Variants in KCTD16 observed in about 807,000 individuals in gnomAD.
KCTD16 encodes BTB/POZ domain-containing protein KCTD16.
In KCTD16, 13 loss-of-function variants were observed where a neutral mutation model predicts 33.2. That is an observed-to-expected ratio of 0.39 (90% CI 0.25 to 0.62). The LOEUF is 0.62. KCTD16 is among the 20% of genes least tolerant of loss of function. KCTD16 has a pLI of 0.50. For synonymous variants in KCTD16, 197 were observed against 195.3 expected, an observed-to-expected ratio of 1.01 and a Z score of -0.07; for missense variants, 441 against 525.1, an observed-to-expected ratio of 0.84 and a Z score of 1.57.
At chr5:144,311,134 G>A (rs1191172363) in intron 3 of KCTD16, among the ~76,000 whole-genome samples, 1 of 152,138 alleles carries the variant, frequency 6.6e-6, no homozygotes, top group African/African-American at 2.4e-5. Flanking sequence ...TTTGCTTGAA[G>A]CTCTTGAGAT....
chr5:144,349,407 C>G (rs1055364403), intron 3 of KCTD16, among the ~76,000 whole-genome samples: 1 of 152,240 alleles, frequency 6.6e-6, no homozygotes, highest in African/African-American at 2.4e-5. Flanking sequence ...GTGAAATACA[C>G]AAGTAGTTGA....
At chr5:144,383,386 A>G (rs557126797) in intron 3 of KCTD16, among the ~76,000 whole-genome samples, 3 of 152,188 alleles carry the variant, frequency 2.0e-5, no homozygotes, top group Admixed American at 6.6e-5. Flanking sequence ...TTGATTTGAA[A>G]TATTCAGATC....
chr5:144,412,794 G>A (rs1752961728), intron 3 of KCTD16, among the ~76,000 whole-genome samples: 1 of 152,130 alleles, frequency 6.6e-6, no homozygotes, highest in Admixed American at 6.5e-5. Context: ...GCTGAGGCAC[G>A]AGAGTCGCTT....
At position 144,465,157 on chromosome 5, in the gene KCTD16, C is replaced by A. The variant is rs541116852; in HGVS notation, c.833-8503C>A. Among the ~76,000 whole-genome samples the A allele has an allele frequency of 1.1e-4, 17 of 149,172 alleles. No individual in the cohort carries two copies. The South Asian group carries it at 1.7e-3, about 15-fold the overall frequency. ...AGGTGTTTGATAAATGTAGATCAGT[C>A]TTATCACATACATAGTCTCTCTCTC... On this transcript the variant is annotated intron_variant, in intron 3 of 3. Transcript: ENST00000512467.
chr5:144,446,800 GA>G (rs1413173703), intron 3 of KCTD16, among the ~76,000 whole-genome samples: 6 of 151,912 alleles, frequency 3.9e-5, no homozygotes, highest in Non-Finnish European at 8.8e-5. Flanking sequence ...ACAAACATAT[GA>G]AAAAAAGCTC....
intron 3 of KCTD16, among the ~76,000 whole-genome samples, chr5:144,214,733 A>G (rs1753507155): frequency 6.6e-6 from 1 of 152,146 alleles, no homozygotes; most frequent in Non-Finnish European, 1.5e-5. Flanking sequence ...CTAGTCCACC[A>G]TACCTGGATT....
At chr5:144,296,563 G>A (rs10051016) in intron 3 of KCTD16, among the ~76,000 whole-genome samples, 35,460 of 151,942 alleles carry the variant, frequency 0.23, 4,359 homozygotes, top group Non-Finnish European at 0.28. Flanking sequence ...ATGCTATAGG[G>A]ATCCTTTTAA....
intron 3 of KCTD16, among the ~76,000 whole-genome samples, chr5:144,350,953 G>A (rs1330198162): frequency 6.6e-6 from 1 of 151,806 alleles, no homozygotes; most frequent in African/African-American, 2.4e-5. Flanking sequence ...CCAAATCCAG[G>A]TATGTAAAAA....
chr5:144,362,535 C>T (rs532442895), intron 3 of KCTD16, among the ~76,000 whole-genome samples: 8 of 152,180 alleles, frequency 5.3e-5, no homozygotes, highest in South Asian at 2.1e-4. Flanking sequence ...CTTACTATAA[C>T]GTTTTAGGTA....
chr5:144,356,077 G>A (rs1315010588), intron 3 of KCTD16, among the ~76,000 whole-genome samples: 1 of 152,074 alleles, frequency 6.6e-6, no homozygotes, highest in African/African-American at 2.4e-5. Context: ...TTATTCCTAA[G>A]AAGATTACAA....
chr5:144,232,569 C>T (rs1402678506), intron 3 of KCTD16, among the ~76,000 whole-genome samples: 5 of 152,146 alleles, frequency 3.3e-5, no homozygotes, highest in African/African-American at 7.2e-5. Context: ...GCTATCAAAT[C>T]GTCTTTTTCT....
intron 3 of KCTD16, among the ~76,000 whole-genome samples, chr5:144,270,395 G>T (rs1755260129): frequency 6.6e-6 from 1 of 151,706 alleles, no homozygotes; most frequent in Non-Finnish European, 1.5e-5. Context: ...AGTAAAACTG[G>T]AAAACTCAAA....
At chr5:144,353,642 T>C (rs909296008) in intron 3 of KCTD16, among the ~76,000 whole-genome samples, 4 of 152,200 alleles carry the variant, frequency 2.6e-5, no homozygotes, top group African/African-American at 4.8e-5. Context: ...CATGTGAAGA[T>C]ATTTGAGAGG....
In KCTD16 at chr5:144,375,567, G is replaced by A. The variant is rs146885456; in HGVS notation, c.833-98093G>A. ...AGAGGACAGTATTCCAGGTGATGCT[G>A]GAAATACCAGATGGGTGGAACCTGA... On this transcript the variant is annotated intron_variant, in intron 3 of 3. Coordinates refer to ENST00000512467, the MANE Select transcript of KCTD16 (RefSeq NM_020768.4). Among the ~76,000 whole-genome samples the A allele has an allele frequency of 1.1e-4, 17 of 152,226 alleles. No individual in the cohort carries two copies. The East Asian group carries it at 3.3e-3, about 29-fold the overall frequency.
chr5:144,276,352 C>T (rs1755437495), intron 3 of KCTD16, among the ~76,000 whole-genome samples: 1 of 152,128 alleles, frequency 6.6e-6, no homozygotes, highest in African/African-American at 2.4e-5. Context: ...ATTATATTCA[C>T]AGTTTATTCA....
intron 3 of KCTD16, among the ~76,000 whole-genome samples, chr5:144,420,074 C>G (rs1049329542): frequency 3.3e-5 from 5 of 152,128 alleles, no homozygotes; most frequent in African/African-American, 9.7e-5. Flanking sequence ...GTACTGTTCT[C>G]AATGCTGGTG....
chr5:144,418,400 G>GTTTTACAGAGTGCTGATTGGTCCGT (rs1753132663), intron 3 of KCTD16, among the ~76,000 whole-genome samples: 1 of 152,018 alleles, frequency 6.6e-6, no homozygotes, highest in African/African-American at 2.4e-5. Flanking sequence ...TGATTGGTCT[G>GTTTTACAGAGTGCTGATTGGTCCGT]TTTTACAGAG....
chr5:144,456,156 A>G (rs1754056038), intron 3 of KCTD16, among the ~76,000 whole-genome samples: 2 of 151,840 alleles, frequency 1.3e-5, no homozygotes, highest in African/African-American at 4.8e-5. Flanking sequence ...AGGCTCTTAT[A>G]ATTTAATGTT....
chr5:144,426,099 A>T (rs1260492621), intron 3 of KCTD16, among the ~76,000 whole-genome samples: 1 of 152,158 alleles, frequency 6.6e-6, no homozygotes, highest in African/African-American at 2.4e-5. Context: ...TGCAGCTAAA[A>T]CCAGCCACAC....
Sources: allele counts gnomAD v4.1 joint callset (sites outside exome capture counted in the v4.1 genomes callset), GRCh38; gene constraint gnomAD v4.1.1; transcripts MANE v1.5; gene names NCBI Gene and HGNC (gene_info 2026-07-23, HGNC 2026-07-21).